PCDHA12: variants seen among roughly 807,000 people sequenced by gnomAD.
The protein encoded by PCDHA12 is protocadherin alpha 12.
A neutral mutation model predicts 60.0 loss-of-function variants in PCDHA12; 44 were observed. That is an observed-to-expected ratio of 0.73 (90% CI 0.58 to 0.94). PCDHA12 has a LOEUF of 0.94. Ranked by LOEUF, PCDHA12 falls within the 40% of genes least tolerant of loss-of-function variation. The pLI, the probability that PCDHA12 is intolerant of heterozygous loss-of-function variation, is 0.00. For missense variants in PCDHA12, 1,276 were observed against 1,239.7 expected, an observed-to-expected ratio of 1.03 and a Z score of -0.44; for synonymous variants, 569 against 553.0, an observed-to-expected ratio of 1.03 and a Z score of -0.40.
intron 1 of PCDHA12, among the ~76,000 whole-genome samples, chr5:140,899,991 G>C (rs2067668603): frequency 6.6e-6 from 1 of 151,712 alleles, no homozygotes; most frequent in African/African-American, 2.4e-5. Context: ...GATTTTTTTT[G>C]TAGAGATGAG....
chr5:140,876,834 G>C lies in PCDHA12; in HGVS notation c.1362G>C (p.Ala454=), dbSNP rs1481867678. 2 of 1,614,042 alleles carry C rather than the reference G, an allele frequency of 1.2e-6. No homozygotes were observed. Among genetic ancestry groups the C allele is most frequent in the Non-Finnish European group, 1.7e-6 (2 of 1,180,014 alleles). The change falls in exon 1 of 4, where the codon GCG becomes GCC. Residue 454 remains alanine (A), a synonymous_variant. Coordinates refer to ENST00000398631, the MANE Select transcript of PCDHA12 (RefSeq NM_018903.4). ...CCGACGTGAACGACAATGCGCCTGC[G>C]TTCGCGCAGCCCGAGTACACAGTGT... ...EVADVNDNAP[A]FAQPEYTVFV... is the part of the protein sequence containing the mutation.
At chr5:140,916,321 C>T (rs1302078048) in intron 1 of PCDHA12, among the ~76,000 whole-genome samples, 1 of 152,160 alleles carries the variant, frequency 6.6e-6, no homozygotes, top group Non-Finnish European at 1.5e-5. Flanking sequence ...AGACAAAGTC[C>T]CCTTTACTTT....
chr5:140,930,798 G>T (rs1339622831), intron 1 of PCDHA12, among the ~76,000 whole-genome samples: 1 of 152,094 alleles, frequency 6.6e-6, no homozygotes, highest in Non-Finnish European at 1.5e-5. Flanking sequence ...ATAGAATCCA[G>T]CATATAAGAT....
chr5:140,977,925 A>T (rs782072280), intron 1 of PCDHA12, among the ~76,000 whole-genome samples: 4 of 152,152 alleles, frequency 2.6e-5, no homozygotes, highest in African/African-American at 7.2e-5. Context: ...TTTTCATTCA[A>T]CTATACCTCA....
chr5:140,942,359 C>T (rs943225700), intron 1 of PCDHA12, among the ~76,000 whole-genome samples: 5 of 151,564 alleles, frequency 3.3e-5, no homozygotes, highest in Non-Finnish European at 5.9e-5. Flanking sequence ...TTGCAGTTAA[C>T]GGAGATTGCA....
At chr5:140,880,281 C>T (rs2058294062) in intron 1 of PCDHA12, among the ~76,000 whole-genome samples, 2 of 152,074 alleles carry the variant, frequency 1.3e-5, no homozygotes. Flanking sequence ...AGAAGTTTGA[C>T]TATCTTCATA....
intron 1 of PCDHA12, among the ~76,000 whole-genome samples, chr5:140,953,994 A>G (rs1464982369): frequency 6.6e-6 from 1 of 151,886 alleles, no homozygotes; most frequent in Non-Finnish European, 1.5e-5. Flanking sequence ...TTTCATGTGT[A>G]CTCATCATTC....
intron 1 of PCDHA12, among the ~76,000 whole-genome samples, chr5:140,941,319 C>CTT (rs70988781): frequency 9.6e-6 from 1 of 104,394 alleles, no homozygotes; most frequent in African/African-American, 3.7e-5. Flanking sequence ...TCTTCTTTCT[C>CTT]TTTTTTTTTT....
intron 3 of PCDHA12, among the ~76,000 whole-genome samples, chr5:141,007,475 C>G (rs575810038): frequency 1.3e-5 from 2 of 151,322 alleles, no homozygotes; most frequent in Non-Finnish European, 2.9e-5. Context: ...GGCTGAGGCA[C>G]GAGAATTACT....
intron 1 of PCDHA12, among the ~76,000 whole-genome samples, chr5:140,949,466 G>A (rs2094383684): frequency 6.6e-6 from 1 of 151,662 alleles, no homozygotes; most frequent in Non-Finnish European, 1.5e-5. Flanking sequence ...TTGAAGCCCT[G>A]TTATTAGGCA....
intron 3 of PCDHA12, among the ~76,000 whole-genome samples, chr5:140,984,674 G>A (rs2097114009): frequency 6.6e-6 from 1 of 152,090 alleles, no homozygotes; most frequent in Non-Finnish European, 1.5e-5. Context: ...AGGTTTTTAG[G>A]ACTCAATATA....
chr5:140,883,147 T>C, intron 1 of PCDHA12: 2 of 1,614,064 alleles, frequency 1.2e-6, no homozygotes, highest in Non-Finnish European at 1.7e-6. Context: ...TATATGCATT[T>C]ACCATAAATC....
At chr5:140,904,447 C>T (rs2071139964) in intron 1 of PCDHA12, among the ~76,000 whole-genome samples, 1 of 151,118 alleles carries the variant, frequency 6.6e-6, no homozygotes, top group Non-Finnish European at 1.5e-5. Flanking sequence ...ATTACAATTT[C>T]TTTATACACT....
At chr5:140,968,124 G>T (rs202202452) in intron 1 of PCDHA12, 1 of 1,614,126 alleles carries the variant, frequency 6.2e-7, no homozygotes, top group Non-Finnish European at 8.5e-7. Flanking sequence ...ACATCCCTGC[G>T]TACACTGAAG....
In PCDHA12 at chr5:140,875,941, G is replaced by A; in HGVS notation, c.469G>A (p.Ala157Thr). Residue 157 changes from alanine to threonine, a missense_variant, in exon 1 of 4, where the codon GCT becomes ACT. Physicochemically the swap from Ala to Thr is moderately conservative, Grantham distance 58. Transcript: ENST00000398631. ...PLDSHFPLEG[A>T]SDADIGVNSL... ...GGACTCTCATTTTCCTCTAGAGGGC[G>A]CTTCTGATGCGGATATCGGCGTAAA... is the stretch of plus-strand genomic sequence containing the variant. The A allele has an allele frequency of 1.9e-6, 3 of 1,614,160 alleles. No individual in the cohort carries two copies. The highest frequency in any genetic ancestry group is 4.5e-5 in the East Asian group (2 of 44,884).
intron 1 of PCDHA12, among the ~76,000 whole-genome samples, chr5:140,976,450 C>T (rs2096717096): frequency 6.6e-6 from 1 of 152,040 alleles, no homozygotes; most frequent in South Asian, 2.1e-4. Flanking sequence ...ACTAGGGAGG[C>T]TGGGGAAGAA....
intron 3 of PCDHA12, among the ~76,000 whole-genome samples, chr5:140,988,533 C>G (rs1395075166): frequency 6.6e-6 from 1 of 152,160 alleles, no homozygotes; most frequent in African/African-American, 2.4e-5. Flanking sequence ...CTGGCTCCAT[C>G]CATTCATGAC....
chr5:140,884,339 G>C, intron 1 of PCDHA12: 1 of 1,613,906 alleles, frequency 6.2e-7, no homozygotes, highest in African/African-American at 1.3e-5. Flanking sequence ...GGGTCCAGAA[G>C]CGGCGCTGGT....
At chr5:140,921,777 C>G (rs1434211783) in intron 1 of PCDHA12, among the ~76,000 whole-genome samples, 1 of 152,030 alleles carries the variant, frequency 6.6e-6, no homozygotes, top group Non-Finnish European at 1.5e-5. Flanking sequence ...TCAATACTGA[C>G]TTGGATGTTC....
Sources: gnomAD v4.1 joint callset for allele counts (sites outside exome capture counted in the v4.1 genomes callset) on GRCh38, gnomAD v4.1.1 for gene constraint, MANE v1.5 for transcripts, NCBI Gene and HGNC (gene_info 2026-07-23, HGNC 2026-07-21) for gene names.